The following CIRSR variants were observed in gnomAD, a reference collection of about 807,000 sequenced individuals.
CIRSR encodes CBF1 (RBPJ) interacting corepressor 1.
chr2:174,395,693 G>A, the CIRSR span: 4 of 1,612,672 alleles, frequency 2.5e-6, no homozygotes, highest in Non-Finnish European at 3.4e-6. Context: ...CCGCCTAACC[G>A]GAACTGCGTT....
the CIRSR span, chr2:174,370,003 GT>G: frequency 7.3e-7 from 1 of 1,365,332 alleles, no homozygotes; most frequent in Non-Finnish European, 9.8e-7. Context: ...CCTTCAATTT[GT>G]AACACAGCAT....
At chr2:174,358,222 T>A in the CIRSR span, 1 of 152,162 alleles carries the variant, frequency 6.6e-6, no homozygotes, top group African/African-American at 2.4e-5. Context: ...CCTTACACAA[T>A]GAAGATATTT....
the CIRSR span, chr2:174,381,667 A>G: frequency 2.1e-5 from 32 of 1,533,518 alleles, 1 homozygote; most frequent in Admixed American, 6.2e-4. Flanking sequence ...AGAAAAAAAA[A>G]AAAGAAAGAA....
chr2:174,351,682 G>A, the CIRSR span: 4 of 1,613,522 alleles, frequency 2.5e-6, no homozygotes, highest in Non-Finnish European at 3.4e-6. Flanking sequence ...CAAACCCACT[G>A]TTTCTCATCT....
the CIRSR span, among the ~76,000 whole-genome samples, chr2:174,371,958 A>G: frequency 6.6e-6 from 1 of 152,194 alleles, no homozygotes; most frequent in East Asian, 1.9e-4. Context: ...TTTTAAATGA[A>G]AAGACTTTTT....
At chr2:174,393,730 A>C in the CIRSR span, among the ~76,000 whole-genome samples, 1 of 152,208 alleles carries the variant, frequency 6.6e-6, no homozygotes, top group Non-Finnish European at 1.5e-5. Context: ...GACATATAAA[A>C]AGCTGTACAT....
At chr2:174,352,226 CAT>C in the CIRSR span, among the ~76,000 whole-genome samples, 7 of 142,708 alleles carry the variant, frequency 4.9e-5, no homozygotes, top group African/African-American at 7.5e-5. Context: ...CACACACACA[CAT>C]ACACACACAC....
At chr2:174,368,241 A>C in the CIRSR span, among the ~76,000 whole-genome samples, 1 of 66,942 alleles carries the variant, frequency 1.5e-5, no homozygotes, top group Non-Finnish European at 5.2e-5. Context: ...ACATTAATAG[A>C]ATACTTCCTC....
chr2:174,383,990 T>C, the CIRSR span, among the ~76,000 whole-genome samples: 1 of 151,996 alleles, frequency 6.6e-6, no homozygotes, highest in Non-Finnish European at 1.5e-5. Context: ...ACGCTAAATA[T>C]AAACCTACCA....
the CIRSR span, among the ~76,000 whole-genome samples, chr2:174,362,913 A>C: frequency 6.6e-6 from 1 of 152,072 alleles, no homozygotes; most frequent in East Asian, 1.9e-4. Flanking sequence ...AAGCTCCTAG[A>C]GGCCCAACCA....
the CIRSR span, among the ~76,000 whole-genome samples, chr2:174,379,579 C>G: frequency 1.3e-5 from 2 of 152,196 alleles, no homozygotes; most frequent in Non-Finnish European, 2.9e-5. Context: ...GATTTGCCCT[C>G]TGATGATAGT....
the CIRSR span, among the ~76,000 whole-genome samples, chr2:174,391,329 C>T: frequency 6.6e-6 from 1 of 152,172 alleles, no homozygotes; most frequent in Admixed American, 6.5e-5. Context: ...TTCAATATTA[C>T]TAACATATAA....
At chr2:174,383,321 T>C in the CIRSR span, among the ~76,000 whole-genome samples, 1 of 152,068 alleles carries the variant, frequency 6.6e-6, no homozygotes, top group Admixed American at 6.6e-5. Flanking sequence ...ATGCAAATGT[T>C]CTGAAATTAG....
chr2:174,370,932 A>AAAAG, the CIRSR span, among the ~76,000 whole-genome samples: 177 of 151,476 alleles, frequency 1.2e-3, 1 homozygote, highest in Non-Finnish European at 2.0e-3. Context: ...AAAAGAAAAG[A>AAAAG]AAAGAAAAAT....
chr2:174,378,095 G>A, the CIRSR span, among the ~76,000 whole-genome samples: 10 of 152,190 alleles, frequency 6.6e-5, no homozygotes, highest in African/African-American at 2.2e-4. Flanking sequence ...CAGAGCATCT[G>A]CTTCAATAGA....
the CIRSR span, among the ~76,000 whole-genome samples, chr2:174,369,760 C>T: frequency 1.3e-5 from 2 of 152,106 alleles, no homozygotes; most frequent in Admixed American, 6.6e-5. Flanking sequence ...ATTCAGAATA[C>T]ACAAAATGTT....
At chr2:174,379,944 C>T in the CIRSR span, among the ~76,000 whole-genome samples, 5 of 151,654 alleles carry the variant, frequency 3.3e-5, no homozygotes, top group African/African-American at 1.2e-4. Context: ...TGGCTGGTCT[C>T]GAACTCCTGA....
At chr2:174,380,915 TG>T in the CIRSR span, 1 of 927,202 alleles carries the variant, frequency 1.1e-6, no homozygotes, top group South Asian at 1.9e-5. Context: ...GTTATTTAAT[TG>T]TCACTTGTAA....
the CIRSR span, chr2:174,370,040 T>C: frequency 7.3e-7 from 1 of 1,363,268 alleles, no homozygotes; most frequent in South Asian, 1.2e-5. Flanking sequence ...AAGTGAAGCA[T>C]GATCAAATAA....
Sources: gnomAD v4.1 joint callset for allele counts (sites outside exome capture counted in the v4.1 genomes callset) on GRCh38, gnomAD v4.1.1 for gene constraint, MANE v1.5 for transcripts, NCBI Gene and HGNC (gene_info 2026-07-23, HGNC 2026-07-21) for gene names.